The following ITFG1 variants were observed in gnomAD, a reference collection of about 807,000 sequenced individuals.
The protein encoded by ITFG1 is integrin alpha FG-GAP repeat containing 1, also known as T-cell immunomodulatory protein.
In ITFG1, 34 loss-of-function variants were observed where a neutral mutation model predicts 81.8. The ratio of observed to expected loss-of-function variants is 0.42; its 90% CI spans 0.32 to 0.55. The LOEUF is 0.55. Among genes scored for constraint, ITFG1 ranks in the 20% least tolerant of loss-of-function variants. ITFG1 has a pLI of 0.17. For missense variants in ITFG1, 672 were observed against 755.4 expected (o/e 0.89, Z 1.29); for synonymous variants, 285 against 270.6 (o/e 1.05, Z -0.52).
chr16:47,430,021 C>G (rs1969073667), intron 5 of ITFG1, among the ~76,000 whole-genome samples: 1 of 148,248 alleles, frequency 6.7e-6, no homozygotes, highest in Non-Finnish European at 1.5e-5. Flanking sequence ...TAGTATATGA[C>G]TTGTCTCCTA....
chr16:47,421,311 T>C (rs1052499173), intron 6 of ITFG1, among the ~76,000 whole-genome samples: 45 of 142,470 alleles, frequency 3.2e-4, no homozygotes, highest in African/African-American at 1.0e-3. Context: ...CACACATACA[T>C]ATTTTTTTTT....
intron 1 of ITFG1, 43 bp downstream of exon 1, chr16:47,460,795 G>A (rs764648202): frequency 8.8e-6 from 14 of 1,597,466 alleles, no homozygotes; most frequent in Middle Eastern, 3.3e-4. Flanking sequence ...ACCGGGAGAG[G>A]CACACGGACA....
chr16:47,291,509 C>G (rs1284629947), intron 10 of ITFG1, among the ~76,000 whole-genome samples: 1 of 152,172 alleles, frequency 6.6e-6, no homozygotes, highest in East Asian at 1.9e-4. Flanking sequence ...AAGTGTTCAT[C>G]TACTATTTCA....
chr16:47,183,325 C>T (rs1485966230), intron 14 of ITFG1, among the ~76,000 whole-genome samples: 1 of 152,208 alleles, frequency 6.6e-6, no homozygotes, highest in African/African-American at 2.4e-5. Flanking sequence ...CCTCTGGGGG[C>T]AGGGCACAGA....
intron 8 of ITFG1, among the ~76,000 whole-genome samples, chr16:47,332,428 C>T (rs2151574314): frequency 6.6e-6 from 1 of 152,170 alleles, no homozygotes; most frequent in Middle Eastern, 3.4e-3. Flanking sequence ...CACTTCACGG[C>T]CACTAAAAGT....
At chr16:47,297,384 T>C (rs1200858398) in intron 10 of ITFG1, among the ~76,000 whole-genome samples, 3 of 152,166 alleles carry the variant, frequency 2.0e-5, no homozygotes, top group African/African-American at 7.2e-5. Context: ...TCCATCAATT[T>C]ATATCTTTTA....
intron 14 of ITFG1, among the ~76,000 whole-genome samples, chr16:47,164,424 G>C (rs1161933266): frequency 1.3e-5 from 2 of 152,168 alleles, no homozygotes; most frequent in African/African-American, 4.8e-5. Flanking sequence ...TGCCTTCAAA[G>C]TTCAGAAAAT....
chr16:47,233,366 T>C (rs549881317), intron 13 of ITFG1, among the ~76,000 whole-genome samples: 1 of 152,268 alleles, frequency 6.6e-6, no homozygotes, highest in East Asian at 1.9e-4. Flanking sequence ...AAGACTTAAC[T>C]GAAAAACTGC....
At chr16:47,386,662 C>A (rs538040247) in intron 6 of ITFG1, among the ~76,000 whole-genome samples, 2 of 152,334 alleles carry the variant, frequency 1.3e-5, no homozygotes, top group South Asian at 4.1e-4. Context: ...AGATCAGAAG[C>A]TACCACTCCA....
chr16:47,422,554 T>A (rs556374627), intron 6 of ITFG1, among the ~76,000 whole-genome samples: 1 of 152,220 alleles, frequency 6.6e-6, no homozygotes, highest in Non-Finnish European at 1.5e-5. Flanking sequence ...TGAAATAGTT[T>A]CAGAAAAAAT....
intron 3 of ITFG1, 34 bp from the exon 4 acceptor site, chr16:47,452,824 A>G: frequency 8.7e-7 from 1 of 1,154,906 alleles, no homozygotes; most frequent in Non-Finnish European, 1.2e-6. Flanking sequence ...ATGAATTAGC[A>G]GGCATTTTAT....
At position 47,365,832 on chromosome 16, in the gene ITFG1, G is replaced by C. The variant is rs1340366321; in HGVS notation, c.758C>G (p.Pro253Arg). Reference protein sequence around the residue: ...NFSVSTILEKPQNMMVVGQSA... With the variant: ...NFSVSTILEKRQNMMVVGQSA... ...CTGTCCAACCACCATCATATTTTGA[G>C]GTTTTTCCAATATAGTACTGACAGA... Residue 253 changes from proline to arginine, a missense_variant, in exon 8 of 18, where the codon CCT becomes CGT. By Grantham distance (103) the Pro-to-Arg change is moderately radical. Around this residue, in one of 3 missense-constraint regions of ITFG1, gnomAD observed 560 missense variants for 625.7 expected, o/e 0.90. Coordinates refer to ENST00000320640, the MANE Select transcript of ITFG1 (RefSeq NM_030790.5). 3 of 1,606,844 alleles carry C rather than the reference G, an allele frequency of 1.9e-6. No individual in the cohort carries two copies. Among genetic ancestry groups the C allele is most frequent in the Non-Finnish European group, 2.6e-6 (3 of 1,174,476 alleles).
In ITFG1 at chr16:47,461,036, C is replaced by G; in HGVS notation, c.10G>C (p.Ala4Pro). MAAAGRLPSSWALF... is the reference protein window; with the variant it reads MAAPGRLPSSWALF... ...GCCCAGGAGCTCGGGAGCCGGCCCGCCGCCGCCATGGCAGCCCCTCAGCCC... is the reference window on the plus strand; with the variant it reads ...GCCCAGGAGCTCGGGAGCCGGCCCGGCGCCGCCATGGCAGCCCCTCAGCCC... The change falls in exon 1 of 18, where the codon GCG (alanine) becomes CCG (proline). Residue 4 changes from alanine to proline, a missense_variant. Physicochemically the swap from Ala to Pro is conservative, Grantham distance 27. Transcript: ENST00000320640. The G allele has an allele frequency of 6.5e-7, 1 of 1,540,912 alleles. No individual in the cohort carries two copies. The highest frequency in any genetic ancestry group is 8.7e-7 in the Non-Finnish European group (1 of 1,145,590).
In ITFG1 at chr16:47,400,613, G is replaced by C. The variant is rs186652781; in HGVS notation, c.656-24673C>G. On this transcript the variant is annotated intron_variant, in intron 6 of 17. Transcript: ENST00000320640. ...AGACAAGTAAATAACCAAGTACACA[G>C]AATAGTGGTCATTGTATTCTGGGGG... Among the ~76,000 whole-genome samples, 9 of 152,244 alleles carry C rather than the reference G, an allele frequency of 5.9e-5. No homozygotes were observed. The East Asian group carries it at 1.7e-3, about 29-fold the overall frequency.
chr16:47,253,618 G>A (rs534684415), intron 12 of ITFG1, among the ~76,000 whole-genome samples: 1 of 152,266 alleles, frequency 6.6e-6, no homozygotes, highest in Admixed American at 6.5e-5. Flanking sequence ...GATGGTTTCA[G>A]GATTGTTCCA....
intron 8 of ITFG1, among the ~76,000 whole-genome samples, chr16:47,343,514 G>T (rs1596912623): frequency 6.6e-6 from 1 of 151,820 alleles, no homozygotes; most frequent in East Asian, 1.9e-4. Context: ...ATAATAAAAA[G>T]ACAAACCACC....
chr16:47,187,905 C>G (rs1965242307), intron 14 of ITFG1, among the ~76,000 whole-genome samples: 1 of 151,740 alleles, frequency 6.6e-6, no homozygotes, highest in African/African-American at 2.4e-5. Flanking sequence ...TGAACTCAAA[C>G]AAATTTACAA....
intron 17 of ITFG1, among the ~76,000 whole-genome samples, 166 bp downstream of exon 17, chr16:47,158,707 A>G (rs1221049717): frequency 2.0e-5 from 3 of 152,226 alleles, no homozygotes; most frequent in Non-Finnish European, 4.4e-5. Context: ...TTCCAGGGAT[A>G]AAAGAAATTA....
chr16:47,168,124 T>C (rs890209314), intron 14 of ITFG1, among the ~76,000 whole-genome samples: 1 of 152,256 alleles, frequency 6.6e-6, no homozygotes, highest in African/African-American at 2.4e-5. Context: ...ACCATCTTAG[T>C]GGTTCTGAAG....
Sources: allele counts gnomAD v4.1 joint callset (sites outside exome capture counted in the v4.1 genomes callset), GRCh38; gene constraint gnomAD v4.1.1; regional missense constraint gnomAD v4.1.1; transcripts MANE v1.5; gene names NCBI Gene and HGNC (gene_info 2026-07-23, HGNC 2026-07-21).